MRPL58: variants seen among roughly 807,000 people sequenced by gnomAD.
MRPL58 encodes the protein mitochondrial ribosomal protein L58.
Under a neutral mutation model 26.0 loss-of-function variants are expected in MRPL58, and 17 were observed. The observed-to-expected ratio is 0.65, with a 90% CI of 0.45 to 0.98. The LOEUF (loss-of-function observed/expected upper bound fraction) is 0.98. MRPL58 is among the 50% of genes least tolerant of loss of function. MRPL58 has a pLI of 0.00. For missense variants in MRPL58, 250 were observed against 269.0 expected, an observed-to-expected ratio of 0.93 and a Z score of 0.49; for synonymous variants, 100 against 99.7, an observed-to-expected ratio of 1.00 and a Z score of -0.02.
chr17:75,014,064 T>A (rs545916697), intron 1 of MRPL58, among the ~76,000 whole-genome samples: 1 of 152,110 alleles, frequency 6.6e-6, no homozygotes, highest in Non-Finnish European at 1.5e-5. Flanking sequence ...GTGGAAGCAG[T>A]AGGAGTCATG....
chr17:75,015,796 C>T (rs995948119), intron 1 of MRPL58, among the ~76,000 whole-genome samples: 1 of 151,968 alleles, frequency 6.6e-6, no homozygotes, highest in African/African-American at 2.4e-5. Context: ...GACAAAGTCT[C>T]GTTAGCTGTC....
intron 1 of MRPL58, among the ~76,000 whole-genome samples, chr17:75,015,626 G>C (rs940097272): frequency 1.3e-5 from 2 of 152,142 alleles, no homozygotes; most frequent in Non-Finnish European, 2.9e-5. Flanking sequence ...GTGAGAAAGA[G>C]TCCTAGGAAG....
chr17:75,016,428 A>C (rs2144883569), intron 1 of MRPL58, among the ~76,000 whole-genome samples: 1 of 152,196 alleles, frequency 6.6e-6, no homozygotes, highest in African/African-American at 2.4e-5. Flanking sequence ...AAAAAAAAGA[A>C]ATGAAGGCAG....
rs139542252 is a variant in MRPL58, at chr17:75,019,041, G to C, written c.224-659G>C. ...TGGAAGGATCCCTTGAGCCCGGGAT[G>C]TTCGCTTCAGCCTGGGATGTTGAGG... On this transcript the variant is annotated intron_variant, in intron 2 of 5. Transcript: ENST00000301585. 2.4e-3 allele frequency among the ~76,000 whole-genome samples: 369 copies of C among 151,910 alleles called. 3 individuals are homozygous for C. The highest frequency in any genetic ancestry group is 8.3e-3 in the African/African-American group (345 of 41,394).
intron 1 of MRPL58, among the ~76,000 whole-genome samples, chr17:75,016,299 C>T (rs1390443009): frequency 6.6e-6 from 1 of 151,740 alleles, no homozygotes; most frequent in African/African-American, 2.4e-5. Flanking sequence ...GCCTGTAATC[C>T]CAGCTACTCA....
rs1226915932 is a variant in MRPL58, at chr17:75,021,230, C to T, written c.*225C>T. The T allele has an allele frequency of 3.1e-5, 17 of 545,892 alleles. No homozygotes were observed. The highest frequency in any genetic ancestry group is 4.9e-5 in the South Asian group (2 of 40,482). The allele number at this position is 545,892 out of a possible 1,614,324, so 33.8% of individuals were successfully genotyped here. On this transcript the variant is annotated 3_prime_UTR_variant, in exon 6 of 6. Coordinates refer to ENST00000301585, the MANE Select transcript of MRPL58 (RefSeq NM_001545.3). ...GTTGTCAAACCTTAATAATGCACCT[C>T]ATGTATTAGTCACAATAAAAATCAG...
chr17:75,017,820 A>C (rs2039985017), intron 2 of MRPL58, among the ~76,000 whole-genome samples: 2 of 152,136 alleles, frequency 1.3e-5, no homozygotes, highest in South Asian at 4.1e-4. Flanking sequence ...GCTACTCGGA[A>C]GGCTGAGGCA....
rs747226298 is a variant in MRPL58, at chr17:75,019,702, C to T, written c.226C>T (p.Arg76Cys). The change falls in exon 3 of 6, where the codon CGC becomes TGC. Residue 76 changes from arginine (R) to cysteine (C), a missense_variant and splice_region_variant. Arg to Cys is a radical substitution (Grantham distance 180, BLOSUM62 -3). Transcript: ENST00000301585. ...GTGTACTTTCTTCTGTTTTACAGATCGCTTGACAATATCTTATTGTCGGAG... is the reference window on the plus strand; with the variant it reads ...GTGTACTTTCTTCTGTTTTACAGATTGCTTGACAATATCTTATTGTCGGAG... ...KQADSDIPLD[R>C]LTISYCRSSG... 8 of 1,612,868 alleles carry T rather than the reference C, an allele frequency of 5.0e-6. No individual in the cohort carries two copies. Among genetic ancestry groups the T allele is most frequent in the Admixed American group, 1.7e-5 (1 of 59,958 alleles).
intron 1 of MRPL58, among the ~76,000 whole-genome samples, chr17:75,015,112 C>T (rs2039963613): frequency 1.3e-5 from 2 of 152,214 alleles, no homozygotes; most frequent in African/African-American, 2.4e-5. Context: ...TGAGAAGAGA[C>T]GTTGAGTAGC....
intron 1 of MRPL58, among the ~76,000 whole-genome samples, chr17:75,016,386 A>G (rs1236893491): frequency 6.6e-6 from 1 of 152,058 alleles, no homozygotes; most frequent in Non-Finnish European, 1.5e-5. Context: ...ATTGTACTCC[A>G]GCCTGGGCTA....
intron 1 of MRPL58, among the ~76,000 whole-genome samples, chr17:75,013,546 A>G (rs900949003): frequency 6.6e-6 from 1 of 152,224 alleles, no homozygotes; most frequent in African/African-American, 2.4e-5. Flanking sequence ...GACAAGCAGT[A>G]AGTAAATGAC....
Position 75,019,735 on chromosome 17 carries a change from C to A in MRPL58, c.259C>A (p.Pro87Thr), listed in dbSNP as rs975845045. 1 of 1,608,490 alleles carries A rather than the reference C, an allele frequency of 6.2e-7. No homozygotes were observed. The highest frequency in any genetic ancestry group is 8.5e-7 in the Non-Finnish European group (1 of 1,175,924). The stretch of plus-strand genomic sequence containing the variant: ...AATATCTTATTGTCGGAGTAGTGGT[C>A]CTGGGGGGCAGAATGTGAACAAAGG... ...LTISYCRSSGPGGQNVNKVNS... is the reference protein window; with the variant it reads ...LTISYCRSSGTGGQNVNKVNS... The change falls in exon 3 of 6, where the codon CCT (proline) becomes ACT (threonine). Residue 87 changes from proline (P) to threonine (T), a missense_variant. Pro to Thr is a conservative substitution (Grantham distance 38). Transcript: ENST00000301585.
chr17:75,020,773 GGA>G (rs1275889109), intron 5 of MRPL58, 116 bp downstream of exon 5: 4 of 1,286,314 alleles, frequency 3.1e-6, no homozygotes, highest in Non-Finnish European at 4.5e-6. Context: ...TCTAGGAAGA[GGA>G]GAGGATGCTG....
chr17:75,015,883 G>A (rs1472642563), intron 1 of MRPL58, among the ~76,000 whole-genome samples: 1 of 151,718 alleles, frequency 6.6e-6, no homozygotes, highest in Middle Eastern at 3.2e-3. Context: ...CATCTCCTGG[G>A]TTCAAGCAAT....
At chr17:75,017,845 G>A (rs1325913928) in intron 2 of MRPL58, among the ~76,000 whole-genome samples, 2 of 152,002 alleles carry the variant, frequency 1.3e-5, no homozygotes, top group African/African-American at 4.8e-5. Flanking sequence ...AATCACTTGA[G>A]CCTGGGAAGC....
rs372999496 is a variant in MRPL58, at chr17:75,020,303, T to G, written c.284-10T>G. The stretch of plus-strand genomic sequence containing the variant: ...AGGCACCCATGCTCCCTTCTCCCTT[T>G]CCTCCACAGTGAATTCCAAGGCAGA... On this transcript the variant is annotated splice_polypyrimidine_tract_variant and intron_variant, in intron 3 of 5. Transcript: ENST00000301585. 21 of 1,611,666 alleles carry G rather than the reference T, an allele frequency of 1.3e-5. No individual in the cohort carries two copies. The African/African-American group carries it at 2.0e-4, about 15-fold the overall frequency.
intron 2 of MRPL58, among the ~76,000 whole-genome samples, 199 bp downstream of exon 2, chr17:75,017,313 A>G (rs2039981540): frequency 6.6e-6 from 1 of 151,982 alleles, no homozygotes; most frequent in Admixed American, 6.6e-5. Context: ...AAATTAAAAA[A>G]AAAAAATCAT....
Position 75,018,632 on chromosome 17 carries a change from T to G in MRPL58, c.224-1068T>G, listed in dbSNP as rs146400500. On this transcript the variant is annotated intron_variant, in intron 2 of 5. Coordinates refer to ENST00000301585, the MANE Select transcript of MRPL58 (RefSeq NM_001545.3). ...GAACACCCTGGATACAGTGACTGCC[T>G]GGAGGAATAGAGAGATAAGACAAAC... 1.2e-3 allele frequency: 190 copies of G among 152,180 alleles called. 1 individual carries two copies. The highest frequency in any genetic ancestry group is 4.3e-3 in the African/African-American group (177 of 41,530). 9.4% of individuals were successfully genotyped at this position (152,180 alleles called of 1,614,324 possible).
chr17:75,017,658 G>T (rs2039983783), intron 2 of MRPL58, among the ~76,000 whole-genome samples: 1 of 152,128 alleles, frequency 6.6e-6, no homozygotes, highest in South Asian at 2.1e-4. Flanking sequence ...TGAGGCAGAA[G>T]AATTGCTTGA....
Sources: allele counts gnomAD v4.1 joint callset (sites outside exome capture counted in the v4.1 genomes callset), GRCh38; gene constraint gnomAD v4.1.1; transcripts MANE v1.5; gene names NCBI Gene and HGNC (gene_info 2026-07-23, HGNC 2026-07-21).